COP1: variants seen among roughly 807,000 people sequenced by gnomAD.
COP1 encodes the protein E3 ubiquitin-protein ligase COP1.
A neutral mutation model predicts 101.3 loss-of-function variants in COP1; 24 were observed. That is an observed-to-expected ratio of 0.24 (90% confidence interval 0.17 to 0.33). The LOEUF (loss-of-function observed/expected upper bound fraction) is 0.33. COP1 is among the 10% of genes least tolerant of loss of function. The probability of loss-of-function intolerance (pLI) is 1.00; values close to 1 mark genes in which losing one functional copy is unlikely to be tolerated. For synonymous variants in COP1, 347 were observed against 341.9 expected, an observed-to-expected ratio of 1.01 and a Z score of -0.17; for missense variants, 663 against 906.2, an observed-to-expected ratio of 0.73 and a Z score of 3.45.
At chr1:176,153,817 A>G (rs1167263317) in intron 5 of COP1, among the ~76,000 whole-genome samples, 1 of 152,148 alleles carries the variant, frequency 6.6e-6, no homozygotes, top group African/African-American at 2.4e-5. Context: ...AATTTTGTTG[A>G]AAGTCTTTTC....
chr1:175,991,613 G>A (rs1658486379), intron 15 of COP1, among the ~76,000 whole-genome samples: 2 of 152,242 alleles, frequency 1.3e-5, no homozygotes, highest in South Asian at 4.1e-4. Context: ...AATTTTTAAA[G>A]CTTTTTGACT....
intron 11 of COP1, among the ~76,000 whole-genome samples, chr1:176,080,305 A>G (rs920614540): frequency 6.6e-6 from 1 of 152,202 alleles, no homozygotes; most frequent in Non-Finnish European, 1.5e-5. Flanking sequence ...GTAGCACAAA[A>G]TAACTATATT....
intron 11 of COP1, among the ~76,000 whole-genome samples, chr1:176,065,706 T>TG (rs548001863): frequency 0.09 from 10,815 of 120,554 alleles, 911 homozygotes; most frequent in Middle Eastern, 0.15. Context: ...GGATAATGAT[T>TG]TTTTTTTTTT....
At chr1:176,151,322 GGAAA>G (rs1208342335) in intron 5 of COP1, among the ~76,000 whole-genome samples, 24 of 99,480 alleles carry the variant, frequency 2.4e-4, no homozygotes, top group Admixed American at 2.3e-4. Context: ...AAAGAAAGAA[GGAAA>G]GAAAGAAAGA....
rs1397015303 is a variant in COP1, at chr1:176,184,671, A to T, written c.429T>A (p.Ile143=). ...DFVCPICFDM[I]EEAYMTKCGH... is the part of the protein sequence containing the mutation. ...CACATTTTGTCATGTATGCTTCTTC[A>T]ATCATATCAAAGCAGATGGGGCTAA... The change falls in exon 2 of 20, where the codon ATT becomes ATA. Residue 143 remains isoleucine, a synonymous_variant. Transcript: ENST00000367669. 6.2e-7 allele frequency: 1 copy of T among 1,609,660 alleles called. No homozygotes were observed. The highest frequency in any genetic ancestry group is 8.5e-7 in the Non-Finnish European group (1 of 1,177,496).
chr1:176,117,454 C>G (rs1686382185), intron 8 of COP1, among the ~76,000 whole-genome samples: 1 of 152,134 alleles, frequency 6.6e-6, no homozygotes, highest in Non-Finnish European at 1.5e-5. Context: ...GCATTTCTAT[C>G]TTACCATTTC....
chr1:175,999,476 G>A (rs553240016), intron 15 of COP1, among the ~76,000 whole-genome samples: 2 of 151,746 alleles, frequency 1.3e-5, no homozygotes, highest in Admixed American at 6.6e-5. Context: ...ACTCCATTTT[G>A]TATATGTACC....
intron 9 of COP1, among the ~76,000 whole-genome samples, chr1:176,112,979 G>C (rs1336607260): frequency 1.3e-5 from 2 of 152,176 alleles, no homozygotes; most frequent in Admixed American, 1.3e-4. Flanking sequence ...TGGACACTTA[G>C]GTTGATTCCA....
chr1:176,174,392 G>A (rs1207964186), intron 3 of COP1, among the ~76,000 whole-genome samples: 1 of 152,110 alleles, frequency 6.6e-6, no homozygotes, highest in African/African-American at 2.4e-5. Context: ...GTATCATCCT[G>A]CAAGGTACCA....
chr1:176,150,236 A>T (rs906185338), intron 5 of COP1, among the ~76,000 whole-genome samples: 1 of 152,230 alleles, frequency 6.6e-6, no homozygotes, highest in African/African-American at 2.4e-5. Context: ...TTAAAAAATA[A>T]GAGGCAAAAC....
chr1:176,120,285 T>C (rs1202807012), intron 8 of COP1, among the ~76,000 whole-genome samples: 4 of 152,020 alleles, frequency 2.6e-5, no homozygotes, highest in South Asian at 2.1e-4. Flanking sequence ...CTGGGCATCA[T>C]GGCAAGTGCG....
At chr1:176,097,570 A>G (rs546893480) in intron 9 of COP1, among the ~76,000 whole-genome samples, 1 of 152,108 alleles carries the variant, frequency 6.6e-6, no homozygotes, top group South Asian at 2.1e-4. Flanking sequence ...TTTTTTATAG[A>G]GCTTTTTTTA....
intron 18 of COP1, among the ~76,000 whole-genome samples, chr1:175,961,695 C>CAAAAAAAAAAAAAAAAA: frequency 1.4e-5 from 1 of 69,420 alleles, no homozygotes; most frequent in Non-Finnish European, 2.7e-5. Flanking sequence ...GACCCTGTCT[C>CAAAAAAAAAAAAAAAAA]AAAAAAAAAA....
rs566435903 is a variant in COP1, at chr1:176,019,291, C to T, written c.1729+8281G>A. On this transcript the variant is annotated intron_variant, in intron 15 of 19. Coordinates refer to ENST00000367669, the MANE Select transcript of COP1 (RefSeq NM_022457.7). Reference sequence around the variant, plus strand: ...AAGCCTGACAAATGTGGTGAAACCCCGTCTCTACTAAAAATACAAAAATTA... The same window carrying T: ...AAGCCTGACAAATGTGGTGAAACCCTGTCTCTACTAAAAATACAAAAATTA... Among the ~76,000 whole-genome samples the T allele has an allele frequency of 1.3e-3, 193 of 151,506 alleles. 2 individuals are homozygous for T. The highest frequency in any genetic ancestry group is 4.4e-3 in the African/African-American group (182 of 41,278).
At chr1:176,087,804 A>G (rs1003191288) in intron 9 of COP1, among the ~76,000 whole-genome samples, 2 of 152,204 alleles carry the variant, frequency 1.3e-5, no homozygotes, top group Non-Finnish European at 2.9e-5. Flanking sequence ...ACACATGCAC[A>G]TGTATGTTTA....
chr1:176,099,995 A>G (rs1325925699), intron 9 of COP1, among the ~76,000 whole-genome samples: 1 of 152,234 alleles, frequency 6.6e-6, no homozygotes, highest in Non-Finnish European at 1.5e-5. Flanking sequence ...CTATGTAAAA[A>G]TAATTAATCT....
At chr1:175,998,063 TAAAAAAAAAAAAA>T (rs57110017) in intron 15 of COP1, among the ~76,000 whole-genome samples, 2 of 66,820 alleles carry the variant, frequency 3.0e-5, no homozygotes, top group South Asian at 1.4e-3. Flanking sequence ...AGAGTATAAT[TAAAAAAAAAAAAA>T]AAAAAAAAAA....
At chr1:176,194,803 C>G (rs1228430868) in intron 1 of COP1, among the ~76,000 whole-genome samples, 1 of 151,992 alleles carries the variant, frequency 6.6e-6, no homozygotes, top group South Asian at 2.1e-4. Context: ...TAGGCCAGGT[C>G]AGTGGCTCAT....
At chr1:176,082,201 G>A (rs1312926224) in intron 10 of COP1, among the ~76,000 whole-genome samples, 2 of 152,052 alleles carry the variant, frequency 1.3e-5, no homozygotes, top group Non-Finnish European at 2.9e-5. Context: ...AAAACAATGA[G>A]CACTTTAGTT....
Sources: allele counts gnomAD v4.1 joint callset (sites outside exome capture counted in the v4.1 genomes callset), GRCh38; gene constraint gnomAD v4.1.1; transcripts MANE v1.5; gene names NCBI Gene and HGNC (gene_info 2026-07-23, HGNC 2026-07-21).